RCOR1: variants seen among roughly 807,000 people sequenced by gnomAD.
The protein encoded by RCOR1 is REST corepressor 1.
RCOR1 carries 12 observed loss-of-function variants against 64.0 expected under a neutral mutation model. The observed-to-expected ratio is 0.19, with a 90% CI of 0.12 to 0.30. RCOR1 has a LOEUF of 0.30. Among genes scored for constraint, RCOR1 ranks in the 10% least tolerant of loss-of-function variants. The pLI, the probability that RCOR1 is intolerant of heterozygous loss-of-function variation, is 1.00. For missense variants in RCOR1, 502 were observed against 621.2 expected (o/e 0.81, Z 2.04); for synonymous variants, 279 against 227.2 (o/e 1.23, Z -2.05).
At chr14:102,709,609 G>A (rs1247700580) in intron 6 of RCOR1, among the ~76,000 whole-genome samples, 1 of 152,138 alleles carries the variant, frequency 6.6e-6, no homozygotes, top group Non-Finnish European at 1.5e-5. Flanking sequence ...TGAGAGTGAT[G>A]TTAAGAACAT....
At chr14:102,612,364 C>A (rs150886589) in intron 2 of RCOR1, among the ~76,000 whole-genome samples, 1 of 151,726 alleles carries the variant, frequency 6.6e-6, no homozygotes, top group African/African-American at 2.4e-5. Context: ...CCACCACGCC[C>A]GCTAATTTGT....
chr14:102,728,969 T>C lies in RCOR1; in HGVS notation c.*2463T>C, dbSNP rs1896320497. ...TTAAAAGCGCAGTGGTTTGATCTTA[T>C]TTATATGAAGACTTTTTAACATATC... On this transcript the variant is annotated 3_prime_UTR_variant, in exon 12 of 12. Transcript: ENST00000262241. 1.3e-5 allele frequency: 2 copies of C among 152,678 alleles called. No individual in the cohort carries two copies. The highest frequency in any genetic ancestry group is 2.4e-5 in the African/African-American group (1 of 41,470). The allele number at this position is 152,678 out of a possible 1,614,324, so 9.5% of individuals were successfully genotyped here.
intron 3 of RCOR1, among the ~76,000 whole-genome samples, chr14:102,693,508 T>C (rs1278423263): frequency 6.6e-6 from 1 of 152,158 alleles, no homozygotes; most frequent in African/African-American, 2.4e-5. Flanking sequence ...GGATGAAGAA[T>C]AGAAAACCCT....
chr14:102,596,776 G>C (rs546950352), intron 2 of RCOR1, among the ~76,000 whole-genome samples: 5 of 152,042 alleles, frequency 3.3e-5, no homozygotes, highest in South Asian at 2.1e-4. Context: ...TGTTGGCCAG[G>C]CTGGTCTCGA....
chr14:102,634,675 T>C (rs1369693657), intron 2 of RCOR1, among the ~76,000 whole-genome samples: 1 of 150,582 alleles, frequency 6.6e-6, no homozygotes, highest in Non-Finnish European at 1.5e-5. Context: ...CACACACACG[T>C]ACATACATAT....
intron 2 of RCOR1, among the ~76,000 whole-genome samples, chr14:102,660,966 C>G (rs1894814374): frequency 6.6e-6 from 1 of 152,124 alleles, no homozygotes; most frequent in African/African-American, 2.4e-5. Flanking sequence ...TTGCTCAGCT[C>G]TTTTTCAAAG....
intron 7 of RCOR1, 58 bp downstream of exon 7, chr14:102,711,071 TAAAAC>T: frequency 8.8e-7 from 1 of 1,138,962 alleles, no homozygotes; most frequent in Non-Finnish European, 1.3e-6. Flanking sequence ...GTTTCATAAA[TAAAAC>T]ATTCATGTTG....
At position 102,699,645 on chromosome 14, in the gene RCOR1, G is replaced by C. The variant is rs111968987; in HGVS notation, c.446-1633G>C. 6.7e-3 allele frequency among the ~76,000 whole-genome samples: 1,022 copies of C among 152,162 alleles called. 13 individuals carry two copies. The highest frequency in any genetic ancestry group is 0.024 in the African/African-American group (989 of 41,520). ...TGGGAAAGTGGATCACTCTGAGCCT[G>C]TTTTCTCTAAGTTTGGCCATTGTAC... is the stretch of plus-strand genomic sequence containing the variant. On this transcript the variant is annotated intron_variant, in intron 3 of 11. Coordinates refer to ENST00000262241, the MANE Select transcript of RCOR1 (RefSeq NM_015156.4).
intron 2 of RCOR1, among the ~76,000 whole-genome samples, chr14:102,642,998 A>G (rs1408342055): frequency 6.6e-6 from 1 of 151,942 alleles, no homozygotes; most frequent in Non-Finnish European, 1.5e-5. Flanking sequence ...AATGGAAGAG[A>G]TTGGCTGGGC....
chr14:102,613,868 T>A (rs1004020870), intron 2 of RCOR1, among the ~76,000 whole-genome samples: 2 of 150,566 alleles, frequency 1.3e-5, no homozygotes, highest in African/African-American at 4.9e-5. Flanking sequence ...GATAGGTTGT[T>A]TTTTGAATTA....
At chr14:102,596,482 A>G (rs1409258877) in intron 2 of RCOR1, among the ~76,000 whole-genome samples, 2 of 152,228 alleles carry the variant, frequency 1.3e-5, no homozygotes, top group East Asian at 3.8e-4. Flanking sequence ...CTGCAATTTA[A>G]GAGTAGTGAA....
In RCOR1 at chr14:102,714,536, G is replaced by C. The variant is rs1350563102; in HGVS notation, c.972G>C (p.Val324=). The change falls in exon 8 of 12, where the codon GTG becomes GTC. Residue 324 remains valine, a synonymous_variant. Coordinates refer to ENST00000262241, the MANE Select transcript of RCOR1 (RefSeq NM_015156.4). The part of the protein sequence containing the change: ...PKGMFLSQED[V]EAVSANATAA... ...GAATGTTTCTTTCTCAAGAAGATGTGGAGGCTGTTTCTGCCAATGCCACTG... is the reference window on the plus strand; with the variant it reads ...GAATGTTTCTTTCTCAAGAAGATGTCGAGGCTGTTTCTGCCAATGCCACTG... 2 of 1,614,034 alleles carry C rather than the reference G, an allele frequency of 1.2e-6. No homozygotes were observed. The highest frequency in any genetic ancestry group is 4.5e-5 in the East Asian group (2 of 44,888).
intron 2 of RCOR1, among the ~76,000 whole-genome samples, chr14:102,604,851 G>A (rs113003720): frequency 3.9e-5 from 6 of 152,168 alleles, no homozygotes; most frequent in African/African-American, 1.4e-4. Flanking sequence ...GGGAGGCTGA[G>A]GCAGGTGGAT....
At chr14:102,621,793 AAG>A (rs1893878126) in intron 2 of RCOR1, among the ~76,000 whole-genome samples, 2 of 152,120 alleles carry the variant, frequency 1.3e-5, no homozygotes, top group Admixed American at 6.6e-5. Context: ...GAATAGGGGA[AAG>A]AGAGGGCCTC....
chr14:102,723,706 C>T (rs1451728735), intron 11 of RCOR1, among the ~76,000 whole-genome samples: 2 of 152,270 alleles, frequency 1.3e-5, no homozygotes, highest in Admixed American at 6.5e-5. Flanking sequence ...CCCCTGTTAG[C>T]ACTCAGTTTC....
At chr14:102,596,824 C>CA (rs1490129273) in intron 2 of RCOR1, among the ~76,000 whole-genome samples, 1 of 150,972 alleles carries the variant, frequency 6.6e-6, no homozygotes, top group East Asian at 2.0e-4. Context: ...CTTGTCCTTC[C>CA]AAAGTGCTGG....
chr14:102,604,992 C>T (rs554618355), intron 2 of RCOR1, among the ~76,000 whole-genome samples: 21 of 148,464 alleles, frequency 1.4e-4, no homozygotes, highest in Admixed American at 9.0e-4. Context: ...TTGCCTGAAC[C>T]TGGGAGGTGG....
chr14:102,594,659 A>G lies in RCOR1; in HGVS notation c.361+1334A>G, dbSNP rs139900632. ...TTTTGATAGTTTCCTCTTCTCCCCA[A>G]TTCTTTTTTTTTTTTTTGGTAGTCA... is the stretch of plus-strand genomic sequence containing the variant. On this transcript the variant is annotated intron_variant, in intron 2 of 11. Transcript: ENST00000262241. Among the ~76,000 whole-genome samples, 941 of 146,888 alleles carry G rather than the reference A, an allele frequency of 6.4e-3. 14 individuals are homozygous for G. The highest frequency in any genetic ancestry group is 0.022 in the African/African-American group (897 of 40,146).
chr14:102,631,864 G>A (rs1431614107), intron 2 of RCOR1, among the ~76,000 whole-genome samples: 2 of 151,798 alleles, frequency 1.3e-5, no homozygotes, highest in Non-Finnish European at 2.9e-5. Context: ...GCGGTGGCGC[G>A]ATCTCGTCTC....
Sources: allele counts gnomAD v4.1 joint callset (sites outside exome capture counted in the v4.1 genomes callset), GRCh38; gene constraint gnomAD v4.1.1; transcripts MANE v1.5; gene names NCBI Gene and HGNC (gene_info 2026-07-23, HGNC 2026-07-21).